The following DLEU7 variants were observed in gnomAD, a reference collection of about 807,000 sequenced individuals.
DLEU7 encodes the protein leukemia-associated protein 7.
DLEU7 carries 17 observed loss-of-function variants against 16.0 expected under a neutral mutation model. The observed-to-expected ratio is 1.06, with a 90% CI of 0.73 to 1.59. DLEU7 has a LOEUF of 1.59. DLEU7 is among the 40% of genes most tolerant of loss of function. DLEU7 has a pLI of 0.00. For synonymous variants in DLEU7, 113 were observed against 139.8 expected, an observed-to-expected ratio of 0.81 and a Z score of 1.35; for missense variants, 308 against 314.9, an observed-to-expected ratio of 0.98 and a Z score of 0.17.
At chr13:50,712,209 T>C (rs1873312612) in exon 2 of DLEU7, 1 of 152,198 alleles carries the variant, frequency 6.6e-6, no homozygotes, top group African/African-American at 2.4e-5. Context: ...TGAGGGAACT[T>C]TGGGATTTTT....
At chr13:50,751,446 G>C (rs113504784) in intron 1 of DLEU7, among the ~76,000 whole-genome samples, 1 of 152,148 alleles carries the variant, frequency 6.6e-6, no homozygotes, top group African/African-American at 2.4e-5. Flanking sequence ...TGGCCTCATA[G>C]AATGAATTAG....
At chr13:50,807,764 A>G (rs1335877787) in intron 1 of DLEU7, 1 of 152,148 alleles carries the variant, frequency 6.6e-6, no homozygotes, top group Non-Finnish European at 1.5e-5. Context: ...GGGAGTGTCA[A>G]ATGCTATAAT....
At chr13:50,721,641 A>G (rs1873617693) in intron 1 of DLEU7, among the ~76,000 whole-genome samples, 2 of 152,222 alleles carry the variant, frequency 1.3e-5, no homozygotes, top group African/African-American at 4.8e-5. Context: ...GACAAAGGAA[A>G]TAAAATTTTT....
At chr13:50,777,673 GC>G (rs1875544937) in intron 1 of DLEU7, among the ~76,000 whole-genome samples, 2 of 152,208 alleles carry the variant, frequency 1.3e-5, no homozygotes, top group South Asian at 4.2e-4. Context: ...CTTTTGGGAA[GC>G]CTTTTTTGTT....
intron 1 of DLEU7, among the ~76,000 whole-genome samples, chr13:50,828,087 A>C (rs1184789501): frequency 2.0e-5 from 3 of 152,206 alleles, no homozygotes; most frequent in Admixed American, 2.0e-4. Context: ...CTAATATGAT[A>C]ATCATAACAT....
intron 1 of DLEU7, among the ~76,000 whole-genome samples, chr13:50,807,053 G>A (rs573001903): frequency 3.4e-5 from 5 of 147,736 alleles, no homozygotes; most frequent in South Asian, 2.1e-4. Context: ...GTCTGCCTCC[G>A]CAAACTTTAG....
At chr13:50,801,781 G>C (rs1231351458) in intron 1 of DLEU7, among the ~76,000 whole-genome samples, 1 of 152,142 alleles carries the variant, frequency 6.6e-6, no homozygotes, top group African/African-American at 2.4e-5. Context: ...TTGAATTCAT[G>C]AGAATCTGAG....
chr13:50,819,484 A>G (rs1337503895), downstream of DLEU7, among the ~76,000 whole-genome samples: 1 of 152,178 alleles, frequency 6.6e-6, no homozygotes, highest in Non-Finnish European at 1.5e-5. Flanking sequence ...GAGAAATACT[A>G]TGACCCCTCA....
At chr13:50,772,319 T>C (rs1020670756) in intron 1 of DLEU7, among the ~76,000 whole-genome samples, 1 of 152,232 alleles carries the variant, frequency 6.6e-6, no homozygotes, top group African/African-American at 2.4e-5. Flanking sequence ...TGATGTTAGC[T>C]GGTTATTTTG....
intron 1 of DLEU7, among the ~76,000 whole-genome samples, chr13:50,805,880 T>A (rs1215124707): frequency 6.6e-6 from 1 of 152,234 alleles, no homozygotes; most frequent in Admixed American, 6.5e-5. Flanking sequence ...CCCATTTGTT[T>A]ATTGTACATG....
At position 50,745,353 on chromosome 13, in the gene DLEU7, A is replaced by G. The variant is rs1280057400; in HGVS notation, c.460-32113T>C. Among the ~76,000 whole-genome samples the G allele has an allele frequency of 2.6e-5, 4 of 152,328 alleles. No homozygotes were observed. In the East Asian group the frequency reaches 5.8e-4, roughly 22 times the overall value. ...TCATTCTACTTATATGAGGAAGTTA[A>G]CATAGTCAGATTTGCTGACAGAAAG... On this transcript the variant is annotated intron_variant, in intron 1 of 1. Transcript: ENST00000400393.
chr13:50,736,520 A>G (rs867086436), intron 1 of DLEU7, among the ~76,000 whole-genome samples: 29 of 152,318 alleles, frequency 1.9e-4, no homozygotes, highest in African/African-American at 6.7e-4. Context: ...TAAAGAAAAG[A>G]AAGATGTATT....
intron 1 of DLEU7, among the ~76,000 whole-genome samples, chr13:50,750,310 C>G (rs1200183609): frequency 1.3e-5 from 2 of 152,044 alleles, no homozygotes; most frequent in Non-Finnish European, 2.9e-5. Flanking sequence ...ATTTTTATGC[C>G]AGTACCATGC....
intron 1 of DLEU7, among the ~76,000 whole-genome samples, chr13:50,750,940 C>T: frequency 6.6e-6 from 1 of 152,162 alleles, no homozygotes; most frequent in South Asian, 2.1e-4. Flanking sequence ...TTTCTCTTGT[C>T]TGATTGCTCT....
intron 1 of DLEU7, among the ~76,000 whole-genome samples, chr13:50,717,596 A>T (rs1427105356): frequency 2.7e-5 from 4 of 150,878 alleles, no homozygotes; most frequent in African/African-American, 9.7e-5. Flanking sequence ...TTTTTTTTCA[A>T]ATTTAGGATT....
At chr13:50,821,662 G>A (rs1041204924), downstream of DLEU7, among the ~76,000 whole-genome samples, 3 of 151,758 alleles carry the variant, frequency 2.0e-5, no homozygotes, top group African/African-American at 7.3e-5. Context: ...TAGGAAACAT[G>A]GTACAAAGTG....
chr13:50,799,688 CA>C (rs372916837), intron 1 of DLEU7, among the ~76,000 whole-genome samples: 3 of 152,256 alleles, frequency 2.0e-5, no homozygotes, highest in African/African-American at 7.2e-5. Context: ...ACGACTGCTA[CA>C]AAATATCTTT....
chr13:50,763,772 G>A (rs1875015199), intron 1 of DLEU7, among the ~76,000 whole-genome samples: 1 of 152,130 alleles, frequency 6.6e-6, no homozygotes, highest in Non-Finnish European at 1.5e-5. Flanking sequence ...TTCAGAATCA[G>A]CCCCGTCACT....
intron 1 of DLEU7, among the ~76,000 whole-genome samples, chr13:50,752,052 CTTTT>C (rs200928092): frequency 0.43 from 58,042 of 135,576 alleles, 12,058 homozygotes; most frequent in African/African-American, 0.47. Flanking sequence ...CTCTTTCAGT[CTTTT>C]TTTTTTTTTT....
Sources: gnomAD v4.1 joint callset for allele counts (sites outside exome capture counted in the v4.1 genomes callset) on GRCh38, gnomAD v4.1.1 for gene constraint, MANE v1.5 for transcripts, NCBI Gene and HGNC (gene_info 2026-07-23, HGNC 2026-07-21) for gene names.